Variants in C5orf15 observed in about 807,000 individuals in gnomAD.
C5orf15 encodes chromosome 5 open reading frame 15.
In C5orf15, 10 loss-of-function variants were observed where a neutral mutation model predicts 17.8. That is an observed-to-expected ratio of 0.56 (90% confidence interval 0.35 to 0.95). The LOEUF is 0.95. Among genes scored for constraint, C5orf15 ranks in the 40% least tolerant of loss-of-function variants. C5orf15 has a pLI of 0.02. For synonymous variants in C5orf15, 124 were observed against 131.0 expected, an observed-to-expected ratio of 0.95 and a Z score of 0.36; for missense variants, 319 against 331.7, an observed-to-expected ratio of 0.96 and a Z score of 0.30.
intron 1 of C5orf15, among the ~76,000 whole-genome samples, chr5:133,963,627 A>T (rs1752151746): frequency 6.6e-6 from 1 of 152,232 alleles, no homozygotes; most frequent in Non-Finnish European, 1.5e-5. Context: ...AAAGACAAAA[A>T]ATAAAAATGG....
rs1302443898 is a variant in C5orf15 at position 133,956,454 on chromosome 5, G to T, written c.*405C>A. 1 of 156,594 alleles carries T rather than the reference G, an allele frequency of 6.4e-6. No individual in the cohort carries two copies. Among genetic ancestry groups the T allele is most frequent in the African/African-American group, 2.4e-5 (1 of 41,424 alleles). 9.7% of individuals were successfully genotyped at this position (156,594 alleles called of 1,614,324 possible). A position where few individuals can be genotyped will look rare whatever the true frequency, so the allele number is the denominator to read the frequency against. ...CACATATCCTTGTACATTACAGTTT[G>T]GGAACAAAAAAAAATGTGGATAAAA... On this transcript the variant is annotated 3_prime_UTR_variant, in exon 3 of 3. Transcript: ENST00000231512.
rs529159624 is a variant in C5orf15, at chr5:133,957,967, T to A, written c.667-977A>T. Among the ~76,000 whole-genome samples the A allele has an allele frequency of 2.6e-5, 4 of 152,326 alleles. No individual in the cohort carries two copies. The South Asian group carries it at 8.3e-4, about 32-fold the overall frequency. On this transcript the variant is annotated intron_variant, in intron 2 of 2. Transcript: ENST00000231512. Reference sequence around the variant, plus strand: ...AGAGTGCCAACATGTACCCTCACACTAAATGTGATGTATCCTGTCCTACAG... The same window carrying A: ...AGAGTGCCAACATGTACCCTCACACAAAATGTGATGTATCCTGTCCTACAG...
Position 133,968,571 on chromosome 5 carries a change from A to G in C5orf15, c.14T>C (p.Val5Ala). Residue 5 changes from valine (V) to alanine (A), a missense_variant, in exon 1 of 3, where the codon GTC becomes GCC. Transcript: ENST00000231512. MAAA[V>A]PKRMRGPAQA... ...TGCTGGCCCCCTCATCCTCTTCGGG[A>G]CGGCAGCGGCCATAACGGACTCGGC... The G allele has an allele frequency of 1.2e-6, 2 of 1,609,512 alleles. No individual in the cohort carries two copies. Among genetic ancestry groups the G allele is most frequent in the Non-Finnish European group, 1.7e-6 (2 of 1,178,522 alleles).
In C5orf15 at chr5:133,968,613, T is replaced by C; in HGVS notation, c.-29A>G. 1 of 1,588,640 alleles carries C rather than the reference T, an allele frequency of 6.3e-7. No individual in the cohort carries two copies. The highest frequency in any genetic ancestry group is 8.6e-7 in the Non-Finnish European group (1 of 1,167,800). ...GGACTCGGCTGGGAGCCTGCGCTGT[T>C]GCTAGGCTCTACGCCATGAGGTCAG... On this transcript the variant is annotated 5_prime_UTR_variant, in exon 1 of 3. Transcript: ENST00000231512.
intron 1 of C5orf15, among the ~76,000 whole-genome samples, chr5:133,965,416 T>G (rs951118472): frequency 5.9e-5 from 9 of 152,154 alleles, no homozygotes; most frequent in Non-Finnish European, 1.2e-4. Flanking sequence ...AAACAAATAA[T>G]TGACCTGAAA....
chr5:133,961,380 C>A (rs1580698798), intron 1 of C5orf15, among the ~76,000 whole-genome samples: 1 of 150,844 alleles, frequency 6.6e-6, no homozygotes. Context: ...CCGGTCTCTA[C>A]TAAAAAATAC....
chr5:133,959,252 G>C (rs1398009488), intron 2 of C5orf15, among the ~76,000 whole-genome samples: 7 of 151,734 alleles, frequency 4.6e-5, no homozygotes. Flanking sequence ...AAATTAGCCA[G>C]GTGTGGTAGT....
chr5:133,957,162 C>T lies in C5orf15; in HGVS notation c.667-172G>A, dbSNP rs140109378. Among the ~76,000 whole-genome samples the T allele has an allele frequency of 9.4e-3, 1,426 of 151,826 alleles. 19 individuals are homozygous for T. The highest frequency in any genetic ancestry group is 0.032 in the African/African-American group (1,326 of 41,374). The stretch of plus-strand genomic sequence containing the variant: ...GGCAGATCACTTGAGCCCAGGAGTC[C>T]GAGACCAGCCTAAGCAACATGGTGA... On this transcript the variant is annotated intron_variant, in intron 2 of 2. Coordinates refer to ENST00000231512, the MANE Select transcript of C5orf15 (RefSeq NM_020199.3).
chr5:133,959,109 T>C (rs1356669595), intron 2 of C5orf15, among the ~76,000 whole-genome samples: 1 of 152,172 alleles, frequency 6.6e-6, no homozygotes, highest in Non-Finnish European at 1.5e-5. Context: ...CTCATGTCTG[T>C]AATCCCAACA....
At chr5:133,958,650 G>A (rs911830384) in intron 2 of C5orf15, among the ~76,000 whole-genome samples, 1 of 139,518 alleles carries the variant, frequency 7.2e-6, no homozygotes, top group Non-Finnish European at 1.5e-5. Context: ...ACACCTATAT[G>A]TATAAATTAT....
intron 1 of C5orf15, among the ~76,000 whole-genome samples, chr5:133,963,042 CA>C (rs1482330365): frequency 1.4e-4 from 21 of 152,180 alleles, no homozygotes; most frequent in African/African-American, 5.1e-4. Flanking sequence ...CTGCACCCAG[CA>C]GCTGAACATG....
chr5:133,964,029 C>T (rs1752160071), intron 1 of C5orf15, among the ~76,000 whole-genome samples: 1 of 152,078 alleles, frequency 6.6e-6, no homozygotes, highest in Non-Finnish European at 1.5e-5. Flanking sequence ...CCAGCCTGGC[C>T]AAAATGGTGA....
intron 1 of C5orf15, among the ~76,000 whole-genome samples, chr5:133,964,239 G>T (rs1305559959): frequency 1.3e-5 from 2 of 152,050 alleles, no homozygotes; most frequent in Non-Finnish European, 2.9e-5. Context: ...AATTTAAAAA[G>T]GAACAAACTA....
chr5:133,964,439 T>TAA, intron 1 of C5orf15, among the ~76,000 whole-genome samples: 1 of 152,252 alleles, frequency 6.6e-6, no homozygotes, highest in Admixed American at 6.5e-5. Flanking sequence ...GGGGTGGCTT[T>TAA]ATAAGGGCAA....
Position 133,959,995 on chromosome 5 carries a change from G to C in C5orf15, c.165C>G (p.Ser55Arg). ...AAATATGTGAGTTGAGTACGGTTGGGCTCGGTGAATCAGTCCGTGATACAA... is the reference window on the plus strand; with the variant it reads ...AAATATGTGAGTTGAGTACGGTTGGCCTCGGTGAATCAGTCCGTGATACAA... ...SSVVSRTDSPSPTVLNSHIST... is the reference protein window; with the variant it reads ...SSVVSRTDSPRPTVLNSHIST... The change falls in exon 2 of 3, where the codon AGC (serine) becomes AGG (arginine). Residue 55 changes from serine (S) to arginine (R), a missense_variant. By Grantham distance (110) the Ser-to-Arg change is moderately radical. This residue lies in a region of C5orf15 where 127 missense variants were observed against 95.6 expected (regional missense o/e 1.33). Coordinates refer to ENST00000231512, the MANE Select transcript of C5orf15 (RefSeq NM_020199.3). 1 of 1,610,348 alleles carries C rather than the reference G, an allele frequency of 6.2e-7. No homozygotes were observed.
intron 1 of C5orf15, among the ~76,000 whole-genome samples, chr5:133,961,979 G>C (rs1752130954): frequency 6.6e-6 from 1 of 152,042 alleles, no homozygotes; most frequent in African/African-American, 2.4e-5. Flanking sequence ...ACATTACTCA[G>C]AAAACTACTA....
chr5:133,966,199 G>A (rs770990377), intron 1 of C5orf15, among the ~76,000 whole-genome samples: 1 of 151,292 alleles, frequency 6.6e-6, no homozygotes, highest in Non-Finnish European at 1.5e-5. Flanking sequence ...CCAGCCTCGC[G>A]ACAGACTCAA....
chr5:133,968,129 G>A (rs953041458), intron 1 of C5orf15, among the ~76,000 whole-genome samples: 12 of 151,774 alleles, frequency 7.9e-5, no homozygotes, highest in African/African-American at 2.9e-4. Context: ...CATTCCTTGC[G>A]GCAGCCCATT....
intron 2 of C5orf15, 34 bp downstream of exon 2, chr5:133,959,460 A>AAAT (rs939484766): frequency 8.2e-7 from 1 of 1,212,520 alleles, no homozygotes; most frequent in Non-Finnish European, 1.1e-6. Flanking sequence ...ATTATGACTG[A>AAAT]AATAATAAAG....
Sources: allele counts gnomAD v4.1 joint callset (sites outside exome capture counted in the v4.1 genomes callset), GRCh38; gene constraint gnomAD v4.1.1; regional missense constraint gnomAD v4.1.1; transcripts MANE v1.5; gene names NCBI Gene and HGNC (gene_info 2026-07-23, HGNC 2026-07-21).